The following IQCM variants were observed in gnomAD, a reference collection of about 807,000 sequenced individuals.
IQCM encodes IQ domain-containing protein M.
A neutral mutation model predicts 57.6 loss-of-function variants in IQCM; 45 were observed. The ratio of observed to expected loss-of-function variants is 0.78; its 90% CI spans 0.62 to 1.00. IQCM has a LOEUF of 1.00. Ranked by LOEUF, IQCM falls within the 50% of genes least tolerant of loss-of-function variation. The probability of loss-of-function intolerance (pLI) is 0.00; values close to 1 mark genes in which losing one functional copy is unlikely to be tolerated. For missense variants in IQCM, 468 were observed against 511.6 expected (o/e 0.91, Z 0.82); for synonymous variants, 148 against 158.9 (o/e 0.93, Z 0.51).
intron 3 of IQCM, among the ~76,000 whole-genome samples, chr4:149,742,064 T>C (rs1442090192): frequency 4.6e-5 from 7 of 151,134 alleles, no homozygotes; most frequent in Non-Finnish European, 8.8e-5. Flanking sequence ...TTGTGTAACA[T>C]AATTTTTATA....
At chr4:149,809,156 G>A (rs1297561644) in intron 2 of IQCM, among the ~76,000 whole-genome samples, 10 of 151,910 alleles carry the variant, frequency 6.6e-5, no homozygotes, top group Non-Finnish European at 1.2e-4. Context: ...CCAGCTACCC[G>A]GGAGGCTGAG....
intron 12 of IQCM, among the ~76,000 whole-genome samples, chr4:149,498,950 CAG>C (rs971449170): frequency 5.3e-5 from 8 of 152,042 alleles, no homozygotes; most frequent in African/African-American, 1.7e-4. Context: ...TGTTAAGAGA[CAG>C]AGAGGGGGGA....
At chr4:149,811,301 T>G (rs1774545777) in intron 2 of IQCM, among the ~76,000 whole-genome samples, 6 of 152,164 alleles carry the variant, frequency 3.9e-5, no homozygotes, top group Admixed American at 3.9e-4. Flanking sequence ...TGAGTAATTC[T>G]GGGCTTTTCT....
At chr4:149,595,673 T>C (rs896559651) in intron 8 of IQCM, among the ~76,000 whole-genome samples, 3 of 152,140 alleles carry the variant, frequency 2.0e-5, no homozygotes, top group Non-Finnish European at 4.4e-5. Flanking sequence ...CTTGCACACA[T>C]GCAGAATCAG....
intron 2 of IQCM, among the ~76,000 whole-genome samples, chr4:149,805,687 T>C (rs148463607): frequency 1.2e-3 from 188 of 152,146 alleles, no homozygotes; most frequent in African/African-American, 4.3e-3. Context: ...TCCATTAGCA[T>C]AAAAAGAATT....
chr4:149,371,201 G>A (rs185264817), intron 13 of IQCM, among the ~76,000 whole-genome samples: 2 of 152,272 alleles, frequency 1.3e-5, no homozygotes, highest in African/African-American at 4.8e-5. Context: ...ATTACCACTA[G>A]ATGTCACCCT....
chr4:149,435,572 T>TAAAAA (rs112641970), intron 12 of IQCM, among the ~76,000 whole-genome samples: 142 of 139,808 alleles, frequency 1.0e-3, no homozygotes, highest in African/African-American at 3.5e-3. Flanking sequence ...TTCTACTTAT[T>TAAAAA]AAAAAAAAAA....
chr4:149,454,014 G>A (rs1021643517), intron 12 of IQCM, among the ~76,000 whole-genome samples: 2 of 151,438 alleles, frequency 1.3e-5, no homozygotes, highest in African/African-American at 2.4e-5. Context: ...CTGATGAGTA[G>A]GTAAACAAAA....
At chr4:149,485,948 A>G (rs1379590267) in intron 12 of IQCM, among the ~76,000 whole-genome samples, 1 of 152,048 alleles carries the variant, frequency 6.6e-6, no homozygotes, top group Non-Finnish European at 1.5e-5. Context: ...GATAAGATCC[A>G]GAAGAATTAT....
intron 13 of IQCM, among the ~76,000 whole-genome samples, chr4:149,378,435 T>G (rs1401363380): frequency 2.0e-5 from 3 of 152,142 alleles, no homozygotes; most frequent in Non-Finnish European, 4.4e-5. Context: ...CAATGAAATC[T>G]AGGCTGAGAT....
intron 5 of IQCM, among the ~76,000 whole-genome samples, chr4:149,696,712 G>A (rs61041097): frequency 6.6e-6 from 1 of 152,098 alleles, no homozygotes; most frequent in African/African-American, 2.4e-5. Context: ...TTCTGCTTCA[G>A]GCTATGAGTC....
chr4:149,708,052 C>A, intron 5 of IQCM, among the ~76,000 whole-genome samples: 1 of 151,920 alleles, frequency 6.6e-6, no homozygotes, highest in East Asian at 1.9e-4. Context: ...ATCAACAACC[C>A]ACTCTGCCAT....
chr4:149,502,797 A>T (rs1743396875), intron 12 of IQCM, among the ~76,000 whole-genome samples: 1 of 152,208 alleles, frequency 6.6e-6, no homozygotes, highest in Admixed American at 6.5e-5. Flanking sequence ...AATCATCCTG[A>T]CAGAATGTAG....
At chr4:149,678,366 T>C (rs900314083) in intron 7 of IQCM, among the ~76,000 whole-genome samples, 3 of 151,762 alleles carry the variant, frequency 2.0e-5, no homozygotes, top group Non-Finnish European at 4.4e-5. Flanking sequence ...CAGGAGAAAA[T>C]AGAATAACAT....
intron 13 of IQCM, among the ~76,000 whole-genome samples, chr4:149,396,930 T>C (rs1434526775): frequency 6.6e-6 from 1 of 152,014 alleles, no homozygotes; most frequent in African/African-American, 2.4e-5. Flanking sequence ...ATACATTACA[T>C]TTTCTTTACT....
chr4:149,650,799 A>T (rs1759105813), intron 7 of IQCM, among the ~76,000 whole-genome samples: 1 of 152,150 alleles, frequency 6.6e-6, no homozygotes, highest in East Asian at 1.9e-4. Context: ...TAATACTACC[A>T]TTTAACATAA....
chr4:149,549,246 T>TGG (rs1748768511), intron 11 of IQCM, among the ~76,000 whole-genome samples: 2 of 152,188 alleles, frequency 1.3e-5, no homozygotes, highest in African/African-American at 2.4e-5. Flanking sequence ...CCGGGCGCGG[T>TGG]GGCTCACGCC....
At chr4:149,481,706 T>TTTTTTTTTTTTTTG (rs1740871009) in intron 12 of IQCM, among the ~76,000 whole-genome samples, 2 of 133,370 alleles carry the variant, frequency 1.5e-5, no homozygotes, top group African/African-American at 2.8e-5. Flanking sequence ...GTTTTGTTTT[T>TTTTTTTTTTTTTTG]TTTTTTTTTT....
At chr4:149,458,818 A>G (rs962102380) in intron 12 of IQCM, among the ~76,000 whole-genome samples, 3 of 152,200 alleles carry the variant, frequency 2.0e-5, no homozygotes, top group African/African-American at 7.2e-5. Flanking sequence ...GATATAATCT[A>G]TAAAAACTAT....
Sources: gnomAD v4.1 joint callset for allele counts (sites outside exome capture counted in the v4.1 genomes callset) on GRCh38, gnomAD v4.1.1 for gene constraint, MANE v1.5 for transcripts, NCBI Gene and HGNC (gene_info 2026-07-23, HGNC 2026-07-21) for gene names.